TAFA2: variants seen among roughly 807,000 people sequenced by gnomAD.
TAFA2 encodes the protein chemokine-like protein TAFA-2.
TAFA2 carries 7 observed loss-of-function variants against 18.8 expected under a neutral mutation model. That is an observed-to-expected ratio of 0.37 (90% CI 0.21 to 0.70). TAFA2 has a LOEUF of 0.70. Ranked by LOEUF, TAFA2 falls within the 30% of genes least tolerant of loss-of-function variation. The probability of loss-of-function intolerance (pLI) is 0.53; values close to 1 mark genes in which losing one functional copy is unlikely to be tolerated. For missense variants in TAFA2, 122 were observed against 158.1 expected (o/e 0.77, Z 1.23); for synonymous variants, 60 against 54.2 (o/e 1.11, Z -0.47).
At chr12:62,125,539 AT>A (rs1296207751) in intron 1 of TAFA2, among the ~76,000 whole-genome samples, 1 of 152,116 alleles carries the variant, frequency 6.6e-6, no homozygotes, top group Non-Finnish European at 1.5e-5. Context: ...TAGTTCCCAA[AT>A]GCTAAACGGT....
chr12:62,187,394 A>G (rs564866738), intron 1 of TAFA2, among the ~76,000 whole-genome samples: 13 of 152,302 alleles, frequency 8.5e-5, no homozygotes, highest in African/African-American at 2.6e-4. Context: ...AAAATAGTGG[A>G]AAAACTATGC....
chr12:62,012,757 A>T (rs1417326664), intron 1 of TAFA2, among the ~76,000 whole-genome samples: 1 of 152,220 alleles, frequency 6.6e-6, no homozygotes, highest in East Asian at 1.9e-4. Flanking sequence ...TGGTACTATG[A>T]TACTACTAAA....
At chr12:62,033,579 T>C (rs1262193127) in intron 1 of TAFA2, among the ~76,000 whole-genome samples, 1 of 152,186 alleles carries the variant, frequency 6.6e-6, no homozygotes, top group African/African-American at 2.4e-5. Flanking sequence ...TAATTGCTAG[T>C]CCAAGATCAA....
upstream of TAFA2, among the ~76,000 whole-genome samples, chr12:62,196,766 A>T (rs916698455): frequency 6.6e-6 from 1 of 152,232 alleles, no homozygotes; most frequent in Non-Finnish European, 1.5e-5. Context: ...AATTACCAAA[A>T]TCTAACACAG....
At chr12:61,840,609 G>A (rs553746786) in intron 2 of TAFA2, among the ~76,000 whole-genome samples, 1 of 152,144 alleles carries the variant, frequency 6.6e-6, no homozygotes, top group East Asian at 1.9e-4. Context: ...AGAGATGGCA[G>A]AATAAATGAG....
intron 1 of TAFA2, among the ~76,000 whole-genome samples, chr12:62,115,356 A>G (rs1473544615): frequency 6.6e-6 from 1 of 151,982 alleles, no homozygotes; most frequent in Non-Finnish European, 1.5e-5. Context: ...TTTTTTTTCT[A>G]TTTATGACAG....
At chr12:62,246,838 A>T (rs1238834429) in intron 1 of TAFA2, among the ~76,000 whole-genome samples, 9 of 152,036 alleles carry the variant, frequency 5.9e-5, no homozygotes, top group Non-Finnish European at 2.9e-5. Flanking sequence ...CTTGCATTCC[A>T]TTTGCCTGGC....
At chr12:62,219,275 T>C (rs192566762) in intron 1 of TAFA2, among the ~76,000 whole-genome samples, 2 of 152,194 alleles carry the variant, frequency 1.3e-5, no homozygotes, top group African/African-American at 2.4e-5. Flanking sequence ...GATGAAAAAT[T>C]AGCTTCGGTT....
chr12:61,818,488 AAT>A (rs1555167831), intron 2 of TAFA2, among the ~76,000 whole-genome samples: 1 of 118,764 alleles, frequency 8.4e-6, no homozygotes, highest in Admixed American at 8.2e-5. Flanking sequence ...GTCTCAAAAA[AAT>A]ACACACACAC....
chr12:61,919,718 GTTA>G lies in TAFA2; in HGVS notation c.-1-52295_-1-52293del, dbSNP rs549980332. Among the ~76,000 whole-genome samples, 603 of 151,332 alleles carry G rather than the reference GTTA, an allele frequency of 4.0e-3. 4 individuals are homozygous for G. The highest frequency in any genetic ancestry group is 0.013 in the African/African-American group (553 of 41,332). On this transcript the variant is annotated intron_variant, in intron 1 of 4. Transcript: ENST00000416284. The stretch of plus-strand genomic sequence containing the variant: ...ATACTTATGTTTTATTTCATTATCT[GTTA>G]TTATATTGTATCACTGTATTTTTAG...
intron 2 of TAFA2, among the ~76,000 whole-genome samples, chr12:61,863,769 T>A (rs898107003): frequency 7.2e-5 from 11 of 152,108 alleles, no homozygotes; most frequent in African/African-American, 2.7e-4. Flanking sequence ...GTGATCACAG[T>A]TCACAGGTGC....
chr12:61,929,139 C>T (rs1468026157), intron 1 of TAFA2, among the ~76,000 whole-genome samples: 1 of 151,014 alleles, frequency 6.6e-6, no homozygotes, highest in African/African-American at 2.4e-5. Flanking sequence ...CACATGTATC[C>T]CCAAACTTAA....
intron 1 of TAFA2, among the ~76,000 whole-genome samples, chr12:62,057,535 T>C (rs1304518192): frequency 1.3e-5 from 2 of 152,150 alleles, no homozygotes; most frequent in Non-Finnish European, 2.9e-5. Context: ...TGGTTTTTCT[T>C]ATTTTTTGCT....
At chr12:61,956,527 T>C (rs1339352283) in intron 1 of TAFA2, among the ~76,000 whole-genome samples, 1 of 152,038 alleles carries the variant, frequency 6.6e-6, no homozygotes, top group African/African-American at 2.4e-5. Context: ...TGTAGTTGGG[T>C]TTGTTTTTCT....
chr12:62,118,823 A>G (rs917132838), intron 1 of TAFA2, among the ~76,000 whole-genome samples: 1 of 152,106 alleles, frequency 6.6e-6, no homozygotes, highest in Non-Finnish European at 1.5e-5. Flanking sequence ...TGATTTGTAG[A>G]TAATTTTTTG....
intron 1 of TAFA2, among the ~76,000 whole-genome samples, chr12:62,055,416 T>C (rs1372076741): frequency 1.3e-5 from 2 of 152,198 alleles, no homozygotes; most frequent in African/African-American, 4.8e-5. Flanking sequence ...AGTCAACTTA[T>C]TACAATGATA....
intron 1 of TAFA2, among the ~76,000 whole-genome samples, chr12:62,199,903 C>T (rs535769436): frequency 1.3e-5 from 2 of 152,266 alleles, no homozygotes; most frequent in East Asian, 3.9e-4. Context: ...TTGTCCACAA[C>T]CTCAACAGCA....
rs73131810 is a variant in TAFA2, at chr12:62,184,043, A to G, written c.-2+7216T>C. Among the ~76,000 whole-genome samples, 991 of 152,286 alleles carry G rather than the reference A, an allele frequency of 6.5e-3. 2 individuals carry two copies. The highest frequency in any genetic ancestry group is 0.011 in the Non-Finnish European group (779 of 68,028). ...TAAATCTGATTCAATTTTATGTCCC[A>G]AGGTCTATAGCCTTTAGTCATCACC... On this transcript the variant is annotated intron_variant, in intron 1 of 4. Transcript: ENST00000416284.
chr12:61,776,688 G>T (rs1870276350), intron 2 of TAFA2, among the ~76,000 whole-genome samples: 1 of 151,770 alleles, frequency 6.6e-6, no homozygotes, highest in Admixed American at 6.6e-5. Context: ...TGATGTCTAA[G>T]CTCCCTTCTG....
Sources: allele counts gnomAD v4.1 joint callset (sites outside exome capture counted in the v4.1 genomes callset), GRCh38; gene constraint gnomAD v4.1.1; transcripts MANE v1.5; gene names NCBI Gene and HGNC (gene_info 2026-07-23, HGNC 2026-07-21).